The following ABR variants were observed in gnomAD, a reference collection of about 807,000 sequenced individuals.
The protein encoded by ABR is active breakpoint cluster region-related protein.
Under a neutral mutation model 107.2 loss-of-function variants are expected in ABR, and 35 were observed. The ratio of observed to expected loss-of-function variants is 0.33; its 90% CI spans 0.25 to 0.43. The LOEUF is 0.43. Among genes scored for constraint, ABR ranks in the 20% least tolerant of loss-of-function variants. ABR has a pLI of 1.00. For missense variants in ABR, 815 were observed against 1,115.2 expected (o/e 0.73, Z 3.83); for synonymous variants, 498 against 462.0 (o/e 1.08, Z -1.00).
chr17:1,109,122 C>T (rs946145843), intron 2 of ABR: 4 of 1,131,314 alleles, frequency 3.5e-6, no homozygotes. Context: ...GCAGCGGCGG[C>T]GGGAGGAGGG....
chr17:1,112,778 G>C (rs749827223), intron 2 of ABR, among the ~76,000 whole-genome samples: 1 of 152,164 alleles, frequency 6.6e-6, no homozygotes, highest in Non-Finnish European at 1.5e-5. Flanking sequence ...CAGCCACTGA[G>C]ATTTCTGACA....
intron 6 of ABR, chr17:1,079,032 G>C (rs547065302): frequency 1.1e-5 from 15 of 1,405,464 alleles, no homozygotes; most frequent in South Asian, 2.9e-5. Context: ...GGCGCGTGGC[G>C]AGGAGAGGAG....
chr17:1,205,069 T>C (rs2042764393), intron 1 of ABR, among the ~76,000 whole-genome samples: 1 of 151,890 alleles, frequency 6.6e-6, no homozygotes, highest in South Asian at 2.1e-4. Context: ...GCCCGGCTAA[T>C]TTTTGTATTT....
At chr17:1,123,092 G>C (rs775110488) in intron 2 of ABR, among the ~76,000 whole-genome samples, 4 of 152,170 alleles carry the variant, frequency 2.6e-5, no homozygotes. Flanking sequence ...AGAGGCGTCA[G>C]CTCCCTCCAG....
intron 14 of ABR, among the ~76,000 whole-genome samples, chr17:1,053,372 GGGAGGGTT>G (rs758535021): frequency 0.12 from 10,458 of 83,700 alleles, 4,121 homozygotes; most frequent in East Asian, 0.17. Context: ...CAGGGTCAGA[GGGAGGGTT>G]CCGGAACGGG....
chr17:1,107,933 A>AG (rs1490858145), intron 2 of ABR, among the ~76,000 whole-genome samples: 1 of 152,152 alleles, frequency 6.6e-6, no homozygotes, highest in Non-Finnish European at 1.5e-5. Context: ...CACACTGTAG[A>AG]GTGGGTGGGG....
At chr17:1,059,998 A>G (rs1293407283) in intron 10 of ABR, among the ~76,000 whole-genome samples, 1 of 152,212 alleles carries the variant, frequency 6.6e-6, no homozygotes, top group Non-Finnish European at 1.5e-5. Context: ...CTGCAGAGGC[A>G]CCTGCGCAGT....
chr17:1,042,332 G>A (rs1489817321), intron 16 of ABR, among the ~76,000 whole-genome samples: 2 of 151,822 alleles, frequency 1.3e-5, no homozygotes, highest in Non-Finnish European at 2.9e-5. Context: ...ACAAACGGAT[G>A]AATAAACAGA....
chr17:1,163,205 C>T lies in ABR; in HGVS notation c.61+16462G>A, dbSNP rs145577578. Among the ~76,000 whole-genome samples the T allele has an allele frequency of 3.0e-4, 45 of 152,310 alleles. 1 individual carries two copies. The highest frequency in any genetic ancestry group is 9.4e-4 in the African/African-American group (39 of 41,562). On this transcript the variant is annotated intron_variant, in intron 1 of 22. Transcript: ENST00000302538. ...TAAGGGAGTTAATACAGACAAAGTG[C>T]CTGCAACAGTGTAGGACACACAGCA... is the stretch of plus-strand genomic sequence containing the variant.
At chr17:1,018,232 C>G (rs193178310) in intron 16 of ABR, among the ~76,000 whole-genome samples, 1 of 151,446 alleles carries the variant, frequency 6.6e-6, no homozygotes, top group East Asian at 2.0e-4. Context: ...TTAGTAGAGA[C>G]GGGGTTTCAC....
intron 2 of ABR, among the ~76,000 whole-genome samples, chr17:1,115,776 A>AT (rs2151417429): frequency 6.8e-6 from 1 of 147,418 alleles, no homozygotes; most frequent in South Asian, 2.2e-4. Context: ...AATACAAAAA[A>AT]TTAGCCAGGC....
intron 16 of ABR, among the ~76,000 whole-genome samples, chr17:1,029,271 T>C (rs1177635132): frequency 6.6e-6 from 1 of 152,004 alleles, no homozygotes; most frequent in Non-Finnish European, 1.5e-5. Context: ...CTTTGGCCCC[T>C]GAACTCTCCT....
At chr17:1,109,601 C>T (rs1326490828) in intron 2 of ABR, among the ~76,000 whole-genome samples, 1 of 152,040 alleles carries the variant, frequency 6.6e-6, no homozygotes, top group Admixed American at 6.5e-5. Context: ...TCCCCGCGCG[C>T]GGCCGAGCCA....
chr17:1,019,564 G>T (rs960827493), intron 16 of ABR, among the ~76,000 whole-genome samples: 1 of 152,230 alleles, frequency 6.6e-6, no homozygotes, highest in Non-Finnish European at 1.5e-5. Flanking sequence ...TGACAACGAC[G>T]CTCTGTTTCC....
At position 1,067,191 on chromosome 17, in the gene ABR, C is replaced by T; in HGVS notation, c.1068G>A (p.Val356=). ...CKWYIPLADL[V]FPSPEESEAS... Reference sequence around the variant, plus strand: ...CCTCAGACTCCTCGGGGGATGGAAACACCAGGTCGGCCAGGGGGATGTACC... The same window carrying T: ...CCTCAGACTCCTCGGGGGATGGAAATACCAGGTCGGCCAGGGGGATGTACC... Residue 356 remains valine, a synonymous_variant, in exon 10 of 23, where the codon GTG becomes GTA. Transcript: ENST00000302538. 1.2e-6 allele frequency: 2 copies of T among 1,612,934 alleles called. No homozygotes were observed. The highest frequency in any genetic ancestry group is 1.7e-4 in the Middle Eastern group (1 of 6,030).
rs57412625 is a variant in ABR at position 1,079,788 on chromosome 17, C to CAA, written c.640-400_640-399dup. Among the ~76,000 whole-genome samples the CAA allele has an allele frequency of 7.4e-4, 41 of 55,110 alleles. 1 individual carries two copies. The highest frequency in any genetic ancestry group is 1.6e-3 in the African/African-American group (29 of 17,790). 36.2% of individuals were successfully genotyped at this position (55,110 alleles called of 152,430 possible). On this transcript the variant is annotated intron_variant, in intron 5 of 22. Coordinates refer to ENST00000302538, the MANE Select transcript of ABR (RefSeq NM_021962.5). ...TGGGCAACAGGGCGAGACTCTGTCT[C>CAA]AAAAAAAAAAAAAAAAAAAAAAAAA...
upstream of ABR, among the ~76,000 whole-genome samples, chr17:1,189,295 C>T (rs2042382555): frequency 6.6e-6 from 1 of 151,876 alleles, no homozygotes; most frequent in Non-Finnish European, 1.5e-5. Flanking sequence ...TCTAAGACAT[C>T]CTAAAACACA....
intron 16 of ABR, among the ~76,000 whole-genome samples, chr17:1,024,024 CAAAAAAAA>C (rs11334940): frequency 1.0e-4 from 5 of 47,676 alleles, no homozygotes; most frequent in African/African-American, 1.5e-4. Flanking sequence ...GACTCCATCT[CAAAAAAAA>C]AAAAAAAAAA....
rs780140763 is a variant in ABR at position 1,094,286 on chromosome 17, CAT to C, written c.346-2438_346-2437del. On this transcript the variant is annotated intron_variant, in intron 3 of 22. Coordinates refer to ENST00000302538, the MANE Select transcript of ABR (RefSeq NM_021962.5). Reference sequence around the variant, plus strand: ...CTGGGCTTCGTGTCACCAGCAGCCTCATGTGTGAAACTGGGATAATACAGCCA... The same window carrying C: ...CTGGGCTTCGTGTCACCAGCAGCCTCGTGTGAAACTGGGATAATACAGCCA... 5.8e-4 allele frequency among the ~76,000 whole-genome samples: 89 copies of C among 152,262 alleles called. 1 individual carries two copies. Among genetic ancestry groups the C allele is most frequent in the Non-Finnish European group, 8.5e-4 (58 of 68,022 alleles).
Sources: gnomAD v4.1 joint callset for allele counts (sites outside exome capture counted in the v4.1 genomes callset) on GRCh38, gnomAD v4.1.1 for gene constraint, MANE v1.5 for transcripts, NCBI Gene and HGNC (gene_info 2026-07-23, HGNC 2026-07-21) for gene names.